The following GABRG3 variants were observed in gnomAD, a reference collection of about 807,000 sequenced individuals.
GABRG3 encodes the protein gamma-aminobutyric acid receptor subunit gamma-3.
In GABRG3, 25 loss-of-function variants were observed where a neutral mutation model predicts 48.8. That is an observed-to-expected ratio of 0.51 (90% CI 0.37 to 0.72). The LOEUF is 0.72. Ranked by LOEUF, GABRG3 falls within the 30% of genes least tolerant of loss-of-function variation. The pLI, the probability that GABRG3 is intolerant of heterozygous loss-of-function variation, is 0.00. For missense variants in GABRG3, 394 were observed against 577.9 expected, an observed-to-expected ratio of 0.68 and a Z score of 3.26; for synonymous variants, 227 against 217.6, an observed-to-expected ratio of 1.04 and a Z score of -0.38.
chr15:26,990,238 C>T (rs556651107), intron 2 of GABRG3, among the ~76,000 whole-genome samples: 1 of 152,322 alleles, frequency 6.6e-6, no homozygotes, highest in East Asian at 1.9e-4. Flanking sequence ...TACATTTCCA[C>T]CAACAGTGTA....
chr15:27,182,692 A>G (rs893987571), intron 3 of GABRG3, among the ~76,000 whole-genome samples: 7 of 152,170 alleles, frequency 4.6e-5, no homozygotes, highest in Non-Finnish European at 7.3e-5. Flanking sequence ...GCCGCCAAGC[A>G]AAGAGATTTG....
At chr15:27,287,170 C>A (rs142215584) in intron 3 of GABRG3, among the ~76,000 whole-genome samples, 1 of 152,126 alleles carries the variant, frequency 6.6e-6, no homozygotes, top group African/African-American at 2.4e-5. Context: ...AGCACATTTT[C>A]TGTGTATATT....
intron 3 of GABRG3, among the ~76,000 whole-genome samples, chr15:27,269,058 C>A (rs1891003959): frequency 1.3e-5 from 2 of 152,046 alleles, no homozygotes. Flanking sequence ...TATATCTAAT[C>A]CTTCTTCCTT....
intron 3 of GABRG3, among the ~76,000 whole-genome samples, chr15:27,055,658 T>C (rs1219260054): frequency 1.3e-5 from 2 of 152,202 alleles, no homozygotes; most frequent in African/African-American, 4.8e-5. Flanking sequence ...GAATTCCTGT[T>C]TATACTTGGT....
intron 6 of GABRG3, among the ~76,000 whole-genome samples, chr15:27,485,625 G>T (rs1374465809): frequency 1.3e-5 from 2 of 152,166 alleles, no homozygotes; most frequent in East Asian, 3.9e-4. Flanking sequence ...GCCTGGAAAA[G>T]AGAATGATGG....
At chr15:27,130,392 C>T (rs969502760) in intron 3 of GABRG3, among the ~76,000 whole-genome samples, 2 of 151,968 alleles carry the variant, frequency 1.3e-5, no homozygotes, top group African/African-American at 4.8e-5. Flanking sequence ...CTCTTTGTTC[C>T]ACTGGTCTAG....
intron 5 of GABRG3, among the ~76,000 whole-genome samples, chr15:27,345,088 A>G (rs1235347956): frequency 6.6e-6 from 1 of 152,148 alleles, no homozygotes. Context: ...CTGAGTCTTT[A>G]TGTTTAAAAT....
chr15:27,323,651 G>A lies in GABRG3; in HGVS notation c.271-3158G>A, dbSNP rs144054840. On this transcript the variant is annotated intron_variant, in intron 3 of 9. Transcript: ENST00000615808. ...CAGCTGTCAGCTCACAGTCTGTTCT[G>A]CAGGGATGCCTTTGAACTTGCTGCT... Among the ~76,000 whole-genome samples the A allele has an allele frequency of 3.7e-4, 57 of 152,264 alleles. No individual in the cohort carries two copies. In the East Asian group the frequency reaches 8.5e-3, roughly 23 times the overall value.
At chr15:27,063,670 A>T (rs1263187815) in intron 3 of GABRG3, among the ~76,000 whole-genome samples, 1 of 152,334 alleles carries the variant, frequency 6.6e-6, no homozygotes, top group Admixed American at 6.5e-5. Context: ...CCAGTCTCAG[A>T]TATTTCTTTA....
At chr15:27,523,359 G>A (rs3097499) in intron 7 of GABRG3, among the ~76,000 whole-genome samples, 84,409 of 151,302 alleles carry the variant, frequency 0.56, 23,679 homozygotes, top group East Asian at 0.67. Flanking sequence ...CATTTGATAT[G>A]CAGAAATTTT....
At chr15:27,211,316 T>C (rs1337230491) in intron 3 of GABRG3, among the ~76,000 whole-genome samples, 2 of 152,214 alleles carry the variant, frequency 1.3e-5, no homozygotes, top group Non-Finnish European at 2.9e-5. Flanking sequence ...CAACAGGAAC[T>C]GTGAAACCAT....
chr15:27,001,346 C>T (rs61998072), intron 2 of GABRG3, among the ~76,000 whole-genome samples: 1 of 152,180 alleles, frequency 6.6e-6, no homozygotes, highest in South Asian at 2.1e-4. Flanking sequence ...CCCTCTGAGG[C>T]CCAGGTGGGC....
At chr15:27,144,487 C>G (rs1172092545) in intron 3 of GABRG3, among the ~76,000 whole-genome samples, 1 of 151,208 alleles carries the variant, frequency 6.6e-6, no homozygotes, top group Admixed American at 6.6e-5. Context: ...ATAGTCTTTT[C>G]TTCGGAGTAC....
intron 5 of GABRG3, among the ~76,000 whole-genome samples, chr15:27,385,482 G>A (rs375575957): frequency 5.3e-5 from 8 of 151,906 alleles, no homozygotes; most frequent in East Asian, 2.0e-4. Context: ...CTCTCCTCTC[G>A]TTCTGGTACT....
chr15:27,000,920 G>A (rs776573771), intron 2 of GABRG3, among the ~76,000 whole-genome samples: 2 of 152,168 alleles, frequency 1.3e-5, no homozygotes, highest in Non-Finnish European at 2.9e-5. Flanking sequence ...CACTCTAGCT[G>A]TTGGGAACAG....
chr15:27,427,202 G>A (rs897561862), intron 5 of GABRG3, among the ~76,000 whole-genome samples: 3 of 152,088 alleles, frequency 2.0e-5, no homozygotes, highest in African/African-American at 7.2e-5. Flanking sequence ...AATATTTAAT[G>A]TGCAATAATT....
At chr15:27,518,345 G>A (rs1304676304) in intron 6 of GABRG3, among the ~76,000 whole-genome samples, 1 of 139,826 alleles carries the variant, frequency 7.2e-6, no homozygotes, top group Admixed American at 7.5e-5. Flanking sequence ...CTCTAGCCTG[G>A]GTGACAAGAG....
chr15:27,190,682 C>G (rs1223468372), intron 3 of GABRG3, among the ~76,000 whole-genome samples: 2 of 151,758 alleles, frequency 1.3e-5, no homozygotes, highest in South Asian at 4.2e-4. Context: ...AACCAGCTCC[C>G]GGATTCATTA....
chr15:27,445,260 T>C (rs1349090072), intron 5 of GABRG3, among the ~76,000 whole-genome samples: 2 of 152,222 alleles, frequency 1.3e-5, no homozygotes, highest in African/African-American at 2.4e-5. Flanking sequence ...TTGCTTAATC[T>C]CTTGAGGAAC....
Sources: allele counts gnomAD v4.1 joint callset (sites outside exome capture counted in the v4.1 genomes callset), GRCh38; gene constraint gnomAD v4.1.1; transcripts MANE v1.5; gene names NCBI Gene and HGNC (gene_info 2026-07-23, HGNC 2026-07-21).